The following FBXL19 variants were observed in gnomAD, a reference collection of about 807,000 sequenced individuals.
FBXL19 encodes F-box/LRR-repeat protein 19.
In FBXL19, 16 loss-of-function variants were observed where a neutral mutation model predicts 71.2. That is an observed-to-expected ratio of 0.22 (90% CI 0.15 to 0.34). The LOEUF (loss-of-function observed/expected upper bound fraction) is 0.34, where lower values mean the gene tolerates loss of function less well. FBXL19 is among the 10% of genes least tolerant of loss of function. FBXL19 has a pLI of 1.00. For synonymous variants in FBXL19, 447 were observed against 409.4 expected (o/e 1.09, Z -1.11); for missense variants, 658 against 968.2 (o/e 0.68, Z 4.25).
chr16:30,933,033 C>T (rs2055692627), intron 7 of FBXL19, among the ~76,000 whole-genome samples: 1 of 151,376 alleles, frequency 6.6e-6, no homozygotes, highest in African/African-American at 2.4e-5. Context: ...TGGAGTCTTG[C>T]TCTGTCACCC....
At position 30,947,631 on chromosome 16, in the gene FBXL19, C is replaced by G. The variant is rs1596659953; in HGVS notation, c.*401C>G. The G allele has an allele frequency of 3.2e-6, 1 of 308,354 alleles. No homozygotes were observed. Among genetic ancestry groups the G allele is most frequent in the East Asian group, 1.0e-4 (1 of 9,666 alleles). The allele number at this position is 308,354 out of a possible 1,614,324, so 19.1% of individuals were successfully genotyped here. A position where few individuals can be genotyped will look rare whatever the true frequency, so the allele number is the denominator to read the frequency against. On this transcript the variant is annotated 3_prime_UTR_variant, in exon 11 of 11. Coordinates refer to ENST00000338343, the MANE Select transcript of FBXL19 (RefSeq NM_001382779.1). Reference sequence around the variant, plus strand: ...AAGGGGCGGGGGGCGGGGCAGACAGCAGACCACCAAGGGTTCAGGGAACAA... The same window carrying G: ...AAGGGGCGGGGGGCGGGGCAGACAGGAGACCACCAAGGGTTCAGGGAACAA...
Position 30,930,536 on chromosome 16 carries a change from C to T in FBXL19, c.1253C>T (p.Pro418Leu). The change falls in exon 7 of 11, where the codon CCG becomes CTG. Residue 418 changes from proline (P) to leucine (L), a missense_variant. By Grantham distance (98) the Pro-to-Leu change is moderately conservative. Transcript: ENST00000338343. This position sits in a 1 kb window ranked among gnomAD's most constrained non-coding sequence, Gnocchi z 8.5. ...AWLRVFQHLG[P>L]RELCICMRVC... ...CTTCGCGTCTTCCAGCACCTCGGGC[C>T]GCGGGAGCTGTGTATCTGCATGCGA... 3 of 1,502,994 alleles carry T rather than the reference C, an allele frequency of 2.0e-6. No individual in the cohort carries two copies. The highest frequency in any genetic ancestry group is 2.6e-6 in the Non-Finnish European group (3 of 1,133,830). 93.1% of individuals were successfully genotyped at this position (1,502,994 alleles called of 1,614,324 possible).
Position 30,928,449 on chromosome 16 carries a change from T to C in FBXL19, c.628-18T>C. 1 of 1,543,492 alleles carries C rather than the reference T, an allele frequency of 6.5e-7. No homozygotes were observed. The highest frequency in any genetic ancestry group is 8.7e-7 in the Non-Finnish European group (1 of 1,144,164). On this transcript the variant is annotated intron_variant, in intron 5 of 10. Transcript: ENST00000338343. ...TGGGGTCTCTCCCTTCCTCCATATC[T>C]CCCTCTCACCCTGGTAGGTGAAAGG...
Position 30,930,025 on chromosome 16 carries a change from A to C in FBXL19, c.790-48A>C, listed in dbSNP as rs763791138. ...TGACTCCTCGGGGTAGGGGGGTGGG[A>C]AAATGTATCCCAGGCCCTAGAACAG... is the stretch of plus-strand genomic sequence containing the variant. On this transcript the variant is annotated intron_variant, in intron 6 of 10. Transcript: ENST00000338343. This position sits in a 1 kb window ranked among gnomAD's most constrained non-coding sequence, Gnocchi z 8.5. 1.3e-6 allele frequency: 2 copies of C among 1,568,796 alleles called. No individual in the cohort carries two copies. The highest frequency in any genetic ancestry group is 2.4e-5 in the South Asian group (2 of 84,700).
chr16:30,936,735 C>T lies in FBXL19; in HGVS notation c.1302-5381C>T, dbSNP rs547087930. ...TGCTGGGATTACAGGCGTGAGCCAG[C>T]GCGCCCGACCTTTTTTTTTTTTTTT... On this transcript the variant is annotated intron_variant, in intron 7 of 10. Coordinates refer to ENST00000338343, the MANE Select transcript of FBXL19 (RefSeq NM_001382779.1). Among the ~76,000 whole-genome samples the T allele has an allele frequency of 1.1e-4, 17 of 148,902 alleles. No individual in the cohort carries two copies. In the East Asian group the frequency reaches 2.7e-3, roughly 24 times the overall value.
rs753720564 is a variant in FBXL19, at chr16:30,942,092, C to G, written c.1302-24C>G. ...TGCTGAGAGCTGAGGGCTGAGGTCT[C>G]TGTCTCCCCCCTATGGCCGCCAGGT... On this transcript the variant is annotated intron_variant, in intron 7 of 10. Coordinates refer to ENST00000338343, the MANE Select transcript of FBXL19 (RefSeq NM_001382779.1). This position sits in a 1 kb window ranked among gnomAD's most constrained non-coding sequence, Gnocchi z 5.7. 6.5e-6 allele frequency: 10 copies of G among 1,531,548 alleles called. No homozygotes were observed. The South Asian group carries it at 1.2e-4, about 19-fold the overall frequency. The allele number at this position is 1,531,548 out of a possible 1,614,324, so 94.9% of individuals were successfully genotyped here.
chr16:30,925,902 C>T lies in FBXL19; in HGVS notation c.148C>T (p.Gln50Ter). Residue 50 changes from glutamine (Q) to a stop codon, truncating the protein, a stop_gained, in exon 2 of 11, where the codon CAG becomes TAG. Transcript: ENST00000338343. LOFTEE classifies it high-confidence loss of function. This position sits in a 1 kb window ranked among gnomAD's most constrained non-coding sequence, Gnocchi z 5.0. ...GTTCGGGGGGCCCGGGCGCATGAAG[C>T]AGTCGTGCCTGCTCCGGCAGTGCAC... ...KKFGGPGRMKQSCLLRQCTAP... is the reference protein window; with the variant it reads ...KKFGGPGRMK The T allele has an allele frequency of 1.3e-6, 2 of 1,500,040 alleles. No homozygotes were observed. The highest frequency in any genetic ancestry group is 8.9e-7 in the Non-Finnish European group (1 of 1,129,332). 92.9% of individuals were successfully genotyped at this position (1,500,040 alleles called of 1,614,324 possible).
At position 30,924,604 on chromosome 16, in the gene FBXL19, C is replaced by T. The variant is rs924983067; in HGVS notation, c.-25+145C>T. 1.5e-5 allele frequency: 20 copies of T among 1,366,054 alleles called. No homozygotes were observed. The African/African-American group carries it at 2.1e-4, about 15-fold the overall frequency. 84.6% of individuals were successfully genotyped at this position (1,366,054 alleles called of 1,614,324 possible). ...TCATCTCCAGCCCTCCTTCCTATGA[C>T]CTCTCCACCCTGGGGAACTGGCCCT... On this transcript the variant is annotated intron_variant, in intron 1 of 10. Coordinates refer to ENST00000338343, the MANE Select transcript of FBXL19 (RefSeq NM_001382779.1).
chr16:30,929,896 A>G (rs1319463921), intron 6 of FBXL19, among the ~76,000 whole-genome samples, 177 bp from the exon 7 acceptor site: 1 of 152,170 alleles, frequency 6.6e-6, no homozygotes, highest in Non-Finnish European at 1.5e-5. Context: ...CAATAAGAAA[A>G]CTGAGGCCCA....
At position 30,930,309 on chromosome 16, in the gene FBXL19, C is replaced by T. The variant is rs2055656522; in HGVS notation, c.1026C>T (p.Gly342=). ...NGRRPARGSS[G]EKENRGGRRA... ...GACGGCCAGCCCGGGGCAGCTCTGGCGAGAAGGAGAACCGTGGGGGGCGGC... is the reference window on the plus strand; with the variant it reads ...GACGGCCAGCCCGGGGCAGCTCTGGTGAGAAGGAGAACCGTGGGGGGCGGC... Residue 342 remains glycine, a synonymous_variant, in exon 7 of 11, where the codon GGC becomes GGT. Coordinates refer to ENST00000338343, the MANE Select transcript of FBXL19 (RefSeq NM_001382779.1). This position sits in a 1 kb window ranked among gnomAD's most constrained non-coding sequence, Gnocchi z 8.5. 1.2e-6 allele frequency: 2 copies of T among 1,608,960 alleles called. No homozygotes were observed. Among genetic ancestry groups the T allele is most frequent in the Non-Finnish European group, 8.5e-7 (1 of 1,177,510 alleles).
chr16:30,927,519 C>G, intron 3 of FBXL19, 54 bp from the exon 4 acceptor site: 1 of 1,557,330 alleles, frequency 6.4e-7, no homozygotes, highest in Non-Finnish European at 8.7e-7. Flanking sequence ...TGGGGGATCA[C>G]CCTGGCTCTG....
Position 30,925,926 on chromosome 16 carries a change from A to T in FBXL19, c.172A>T (p.Thr58Ser). 1 of 1,489,348 alleles carries T rather than the reference A, an allele frequency of 6.7e-7. No individual in the cohort carries two copies. Among genetic ancestry groups the T allele is most frequent in the South Asian group, 1.4e-5 (1 of 71,240 alleles). The allele number at this position is 1,489,348 out of a possible 1,614,324, so 92.3% of individuals were successfully genotyped here. A position where few individuals can be genotyped will look rare whatever the true frequency, so the allele number is the denominator to read the frequency against. Residue 58 changes from threonine (T) to serine (S), a missense_variant, in exon 2 of 11, where the codon ACT becomes TCT. Around this residue, in one of 8 missense-constraint regions of FBXL19, gnomAD observed 447 missense variants for 515.4 expected, o/e 0.87. Coordinates refer to ENST00000338343, the MANE Select transcript of FBXL19 (RefSeq NM_001382779.1). This position sits in a 1 kb window ranked among gnomAD's most constrained non-coding sequence, Gnocchi z 5.0. ...GCAGTCGTGCCTGCTCCGGCAGTGC[A>T]CTGCCGTGAGTTCTGCCCCCACCTT... ...MKQSCLLRQC[T>S]APVLPHTAVC...
Position 30,928,529 on chromosome 16 carries a change from A to T in FBXL19, c.690A>T (p.Gly230=), listed in dbSNP as rs2031628134. The change falls in exon 6 of 11, where the codon GGA becomes GGT. Residue 230 remains glycine, a synonymous_variant. Coordinates refer to ENST00000338343, the MANE Select transcript of FBXL19 (RefSeq NM_001382779.1). ...KVGGDACLLR[G]SDPGGPGLLP... is the part of the protein sequence containing the mutation. ...GTGGAGACGCCTGCCTCCTCCGAGG[A>T]TCGGACCCAGGCGGCCCGGGCCTGC... is the stretch of plus-strand genomic sequence containing the variant. 4 of 1,608,238 alleles carry T rather than the reference A, an allele frequency of 2.5e-6. No individual in the cohort carries two copies. Among genetic ancestry groups the T allele is most frequent in the Non-Finnish European group, 3.4e-6 (4 of 1,177,240 alleles).
In FBXL19 at chr16:30,927,976, G is replaced by C. The variant is rs772215491; in HGVS notation, c.627+13G>C. The C allele has an allele frequency of 2.7e-6, 4 of 1,462,336 alleles. No individual in the cohort carries two copies. The highest frequency in any genetic ancestry group is 1.5e-5 in the African/African-American group (1 of 66,282). The allele number at this position is 1,462,336 out of a possible 1,614,324, so 90.6% of individuals were successfully genotyped here. On this transcript the variant is annotated intron_variant, in intron 5 of 10. Coordinates refer to ENST00000338343, the MANE Select transcript of FBXL19 (RefSeq NM_001382779.1). ...CCCAAGGAAAAAGGTGAGCCACGGA[G>C]CACGCTCACTAGGCTTGTCCTGAGG...
At chr16:30,933,035 C>T (rs1471931772) in intron 7 of FBXL19, among the ~76,000 whole-genome samples, 1 of 151,542 alleles carries the variant, frequency 6.6e-6, no homozygotes, top group Admixed American at 6.6e-5. Flanking sequence ...GAGTCTTGCT[C>T]TGTCACCCAG....
At chr16:30,922,972 G>A (rs150202164), upstream of FBXL19, 785 of 441,340 alleles carry the variant, frequency 1.8e-3, 5 homozygotes, top group African/African-American at 0.014. Context: ...CATTCTTAAG[G>A]AACACTGGAA....
chr16:30,947,521 G>A lies in FBXL19; in HGVS notation c.*291G>A. On this transcript the variant is annotated 3_prime_UTR_variant, in exon 11 of 11. Transcript: ENST00000338343. ...GGGTGCTGAGCCGAAGGGACGGTGG[G>A]AGGGGGGTTATGGTGCAAGTGTTGG... The A allele has an allele frequency of 2.3e-6, 1 of 432,906 alleles. No individual in the cohort carries two copies. The highest frequency in any genetic ancestry group is 4.6e-5 in the East Asian group (1 of 21,894). The allele number at this position is 432,906 out of a possible 1,614,324, so 26.8% of individuals were successfully genotyped here.
At chr16:30,939,772 G>A (rs1403657599) in intron 7 of FBXL19, among the ~76,000 whole-genome samples, 3 of 151,988 alleles carry the variant, frequency 2.0e-5, no homozygotes, top group African/African-American at 7.3e-5. Context: ...ATCATGTTAC[G>A]CAGATAAGTG....
At position 30,927,449 on chromosome 16, in the gene FBXL19, A is replaced by C; in HGVS notation, c.319A>C (p.Lys107Gln). 6.3e-7 allele frequency: 1 copy of C among 1,587,762 alleles called. No individual in the cohort carries two copies. Among genetic ancestry groups the C allele is most frequent in the African/African-American group, 1.3e-5 (1 of 74,572 alleles). ...CNEIVHPGCL[K>Q]MGKAEGVINA... The stretch of plus-strand genomic sequence containing the variant: ...CGAGATCGTCCACCCCGGCTGCCTG[A>C]AGGTGATGGCCCTGGGACCCCGGCG... Residue 107 changes from lysine (K) to glutamine (Q), a missense_variant and splice_region_variant, in exon 3 of 11, where the codon AAG becomes CAG. Lys to Gln is a moderately conservative substitution (Grantham distance 53, BLOSUM62 1). Transcript: ENST00000338343.
Sources: gnomAD v4.1 joint callset for allele counts (sites outside exome capture counted in the v4.1 genomes callset) on GRCh38, gnomAD v4.1.1 for gene constraint, gnomAD v4.1.1 regional missense constraint, Gnocchi (gnomAD v3.1) non-coding constraint, MANE v1.5 for transcripts, NCBI Gene and HGNC (gene_info 2026-07-23, HGNC 2026-07-21) for gene names.